The following PDZD2 variants were observed in gnomAD, a reference collection of about 807,000 sequenced individuals.
PDZD2 encodes PDZ domain containing 2.
PDZD2 carries 90 observed loss-of-function variants against 220.7 expected under a neutral mutation model. That is an observed-to-expected ratio of 0.41 (90% CI 0.34 to 0.49). The LOEUF (loss-of-function observed/expected upper bound fraction) is 0.49. PDZD2 is among the 20% of genes least tolerant of loss of function. The probability of loss-of-function intolerance (pLI) is 0.28; values close to 1 mark genes in which losing one functional copy is unlikely to be tolerated. For synonymous variants in PDZD2, 1,375 were observed against 1,450.5 expected (o/e 0.95, Z 1.18); for missense variants, 3,174 against 3,608.5 (o/e 0.88, Z 3.08).
intron 1 of PDZD2, among the ~76,000 whole-genome samples, chr5:31,660,867 C>T (rs946322806): frequency 1.3e-5 from 2 of 152,156 alleles, no homozygotes; most frequent in African/African-American, 4.8e-5. Flanking sequence ...AGACTAACTA[C>T]AGGCATGTGT....
In PDZD2 at chr5:32,074,327, G is replaced by A; in HGVS notation, c.3221G>A (p.Trp1074Ter). 6.2e-7 allele frequency: 1 copy of A among 1,614,248 alleles called. No homozygotes were observed. The highest frequency in any genetic ancestry group is 8.5e-7 in the Non-Finnish European group (1 of 1,180,050). The change falls in exon 18 of 25, where the codon TGG becomes TAG. Residue 1074 changes from tryptophan to a stop codon, truncating the protein, a stop_gained. Coordinates refer to ENST00000438447, the MANE Select transcript of PDZD2 (RefSeq NM_178140.4). LOFTEE classifies it high-confidence loss of function. ...CCCAAGGGGAGCCCTGGAAGCTGGT[G>A]GAAGAAGGAACTGTCAGGATCAAGT... is the stretch of plus-strand genomic sequence containing the variant. ...EAPKGSPGSW[W>*]KKELSGSSSA...
intron 6 of PDZD2, among the ~76,000 whole-genome samples, chr5:32,013,436 C>G (rs1305275768): frequency 1.3e-5 from 2 of 150,742 alleles, no homozygotes; most frequent in African/African-American, 4.9e-5. Flanking sequence ...TAGGCCAGTT[C>G]CCACCATCAC....
At position 31,999,257 on chromosome 5, in the gene PDZD2, G is replaced by T. The variant is rs975007933; in HGVS notation, c.1122-882G>T. ...TTTCCTTTCTTAATTGCTTTTTTTTGGGGGGGGCGGGTGGCGGGATTTGTT... is the reference window on the plus strand; with the variant it reads ...TTTCCTTTCTTAATTGCTTTTTTTTTGGGGGGGCGGGTGGCGGGATTTGTT... On this transcript the variant is annotated intron_variant, in intron 4 of 24. Transcript: ENST00000438447. 4.9e-5 allele frequency among the ~76,000 whole-genome samples: 7 copies of T among 143,350 alleles called. No individual in the cohort carries two copies. The South Asian group carries it at 6.8e-4, about 14-fold the overall frequency. 94.0% of individuals were successfully genotyped at this position (143,350 alleles called of 152,430 possible). A position where few individuals can be genotyped will look rare whatever the true frequency, so the allele number is the denominator to read the frequency against.
chr5:31,913,350 A>AG (rs564360385), intron 2 of PDZD2, among the ~76,000 whole-genome samples: 1 of 151,948 alleles, frequency 6.6e-6, no homozygotes, highest in South Asian at 2.1e-4. Context: ...GGGAAAAAAA[A>AG]AAAAAGAATA....
At chr5:31,833,229 G>A (rs1485466496) in intron 2 of PDZD2, among the ~76,000 whole-genome samples, 1 of 152,204 alleles carries the variant, frequency 6.6e-6, no homozygotes, top group Non-Finnish European at 1.5e-5. Flanking sequence ...GGTGCTTTGG[G>A]AGGCTGAGGT....
chr5:31,981,791 A>C (rs1183095683), intron 2 of PDZD2, among the ~76,000 whole-genome samples: 2 of 152,320 alleles, frequency 1.3e-5, no homozygotes, highest in East Asian at 3.9e-4. Flanking sequence ...GCTTTATCTT[A>C]GGTAGCATGA....
intron 2 of PDZD2, among the ~76,000 whole-genome samples, chr5:31,845,430 G>T (rs1349036748): frequency 6.6e-6 from 1 of 152,212 alleles, no homozygotes; most frequent in Non-Finnish European, 1.5e-5. Flanking sequence ...AGAGCTATCT[G>T]GAGAGGTGTG....
intron 2 of PDZD2, among the ~76,000 whole-genome samples, chr5:31,924,811 T>C (rs1744597010): frequency 6.6e-6 from 1 of 152,218 alleles, no homozygotes; most frequent in Admixed American, 6.5e-5. Context: ...ACAGAATTCT[T>C]GAGCTGAAAT....
rs1008434637 is a variant in PDZD2 at position 31,646,819 on chromosome 5, C to T, written c.-361+7382C>T. On this transcript the variant is annotated intron_variant, in intron 1 of 24. Transcript: ENST00000438447. The surrounding 1 kb of genome is among the most constrained non-coding windows in gnomAD (Gnocchi z 4.7). ...CTCCACTCCTACCCCGCCCTGGCCA[C>T]CTTAATTCCCAGTATCATTAGGCCG... Among the ~76,000 whole-genome samples, 5 of 152,164 alleles carry T rather than the reference C, an allele frequency of 3.3e-5. No homozygotes were observed. The highest frequency in any genetic ancestry group is 7.3e-5 in the Non-Finnish European group (5 of 68,036).
chr5:31,759,301 C>G (rs1651506040), intron 1 of PDZD2, among the ~76,000 whole-genome samples: 1 of 152,158 alleles, frequency 6.6e-6, no homozygotes, highest in Admixed American at 6.5e-5. Flanking sequence ...TGCACACACA[C>G]CCGGCTCTTC....
chr5:31,791,590 CAAAAAAA>C lies in PDZD2; in HGVS notation c.-360-7281_-360-7275del, dbSNP rs1157216997. The stretch of plus-strand genomic sequence containing the variant: ...GGGCAACAAGAGAGAAACTCCGTCT[CAAAAAAA>C]AAAAAAAAAAAAAAAAAGGTTAAAA... On this transcript the variant is annotated intron_variant, in intron 1 of 24. Coordinates refer to ENST00000438447, the MANE Select transcript of PDZD2 (RefSeq NM_178140.4). Among the ~76,000 whole-genome samples the C allele has an allele frequency of 1.8e-4, 9 of 50,440 alleles. 1 individual carries two copies. Among genetic ancestry groups the C allele is most frequent in the African/African-American group, 2.6e-4 (4 of 15,126 alleles). The allele number at this position is 50,440 out of a possible 152,430, so 33.1% of individuals were successfully genotyped here.
At chr5:31,818,187 G>T (rs1436167734) in intron 2 of PDZD2, among the ~76,000 whole-genome samples, 1 of 151,986 alleles carries the variant, frequency 6.6e-6, no homozygotes, top group Admixed American at 6.6e-5. Flanking sequence ...ACCAAGGCTG[G>T]TGTTGAACTC....
chr5:31,882,359 C>T (rs1408955012), intron 2 of PDZD2, among the ~76,000 whole-genome samples: 1 of 152,178 alleles, frequency 6.6e-6, no homozygotes, highest in East Asian at 1.9e-4. Flanking sequence ...ATCGAGGCTG[C>T]CCCATCTCTC....
chr5:31,884,231 G>GCATGCATACATACATACATACATA (rs780226158), intron 2 of PDZD2, among the ~76,000 whole-genome samples: 3 of 150,576 alleles, frequency 2.0e-5, no homozygotes, highest in East Asian at 2.0e-4. Flanking sequence ...CTGCATGCAT[G>GCATGCATACATACATACATACATA]CATACATACA....
In PDZD2 at chr5:31,976,889, T is replaced by C. The variant is rs1462655471; in HGVS notation, c.477-6266T>C. Among the ~76,000 whole-genome samples the C allele has an allele frequency of 3.9e-5, 6 of 152,014 alleles. No individual in the cohort carries two copies. The East Asian group carries it at 1.2e-3, about 29-fold the overall frequency. ...CGTGCTACCACGCCCGGCTAATTTT[T>C]GTATTTTTAGTAGAGACGGGGTTTC... is the stretch of plus-strand genomic sequence containing the variant. On this transcript the variant is annotated intron_variant, in intron 2 of 24. Coordinates refer to ENST00000438447, the MANE Select transcript of PDZD2 (RefSeq NM_178140.4).
intron 4 of PDZD2, among the ~76,000 whole-genome samples, chr5:31,998,639 G>A (rs927542439): frequency 6.6e-6 from 1 of 152,210 alleles, no homozygotes; most frequent in Non-Finnish European, 1.5e-5. Flanking sequence ...GAACAGAGAA[G>A]TCCAATCTTT....
rs1178411178 is a variant in PDZD2, at chr5:32,109,679, C to T, written c.*1544C>T. 6.6e-6 allele frequency: 1 copy of T among 152,154 alleles called. No homozygotes were observed. Among genetic ancestry groups the T allele is most frequent in the East Asian group, 1.9e-4 (1 of 5,198 alleles). The allele number at this position is 152,154 out of a possible 1,614,324, so 9.4% of individuals were successfully genotyped here. A position where few individuals can be genotyped will look rare whatever the true frequency, so the allele number is the denominator to read the frequency against. ...CAACATGAGTGGAGAGTGCATTTGC[C>T]ATACCTGTGTGCATGACACTAAGAT... On this transcript the variant is annotated 3_prime_UTR_variant, in exon 25 of 25. Coordinates refer to ENST00000438447, the MANE Select transcript of PDZD2 (RefSeq NM_178140.4).
chr5:31,661,204 A>G (rs1745749248), intron 1 of PDZD2, among the ~76,000 whole-genome samples: 1 of 152,202 alleles, frequency 6.6e-6, no homozygotes, highest in Non-Finnish European at 1.5e-5. Flanking sequence ...TGCTGCTAAA[A>G]TAGCAGCCTG....
chr5:31,738,301 T>C, intron 1 of PDZD2: 1 of 152,472 alleles, frequency 6.6e-6, no homozygotes, highest in Non-Finnish European at 1.5e-5. Context: ...GCCAGCCGTG[T>C]ATTGTTGCTT....
Sources: gnomAD v4.1 joint callset for allele counts (sites outside exome capture counted in the v4.1 genomes callset) on GRCh38, gnomAD v4.1.1 for gene constraint, Gnocchi (gnomAD v3.1) non-coding constraint, MANE v1.5 for transcripts, NCBI Gene and HGNC (gene_info 2026-07-23, HGNC 2026-07-21) for gene names.